The following CMIP variants were observed in gnomAD, a reference collection of about 807,000 sequenced individuals.
CMIP encodes the protein c-Maf inducing protein.
In CMIP, 13 loss-of-function variants were observed where a neutral mutation model predicts 97.3. The ratio of observed to expected loss-of-function variants is 0.13; its 90% CI spans 0.09 to 0.21. The LOEUF is 0.21. CMIP is among the 10% of genes least tolerant of loss of function. CMIP has a pLI of 1.00. For synonymous variants in CMIP, 538 were observed against 436.3 expected (o/e 1.23, Z -2.91); for missense variants, 847 against 1,024.9 (o/e 0.83, Z 2.37).
intron 1 of CMIP, among the ~76,000 whole-genome samples, chr16:81,516,617 T>A (rs370490817): frequency 6.6e-6 from 1 of 152,198 alleles, no homozygotes. Context: ...ATCTCGTCAG[T>A]GCGCGGGCAC....
chr16:81,616,533 G>A lies in CMIP; in HGVS notation c.427-4343G>A, dbSNP rs1178145263. 6.6e-6 allele frequency among the ~76,000 whole-genome samples: 1 copy of A among 152,214 alleles called. No homozygotes were observed. The highest frequency in any genetic ancestry group is 2.4e-5 in the African/African-American group (1 of 41,462). ...GTGGTTGGTAGTGACATGCGTCATC[G>A]CACTTAGTTCGCCAGCCTGTGTCAT... On this transcript the variant is annotated intron_variant, in intron 2 of 20. Coordinates refer to ENST00000537098, the MANE Select transcript of CMIP (RefSeq NM_198390.3). The surrounding 1 kb of genome is among the most constrained non-coding windows in gnomAD (Gnocchi z 4.7).
intron 20 of CMIP, among the ~76,000 whole-genome samples, 175 bp downstream of exon 20, chr16:81,707,259 T>C (rs575060361): frequency 6.6e-6 from 1 of 152,278 alleles, no homozygotes; most frequent in South Asian, 2.1e-4. Flanking sequence ...AGCAGGGAAG[T>C]AATTGGAAAT....
intron 1 of CMIP, among the ~76,000 whole-genome samples, chr16:81,547,374 G>C (rs1188313161): frequency 6.6e-6 from 1 of 152,182 alleles, no homozygotes; most frequent in Non-Finnish European, 1.5e-5. Context: ...TCTGCAGAAA[G>C]ACCCCCGCTC....
chr16:81,692,397 A>G (rs78015301), intron 11 of CMIP, among the ~76,000 whole-genome samples: 4,462 of 152,266 alleles, frequency 0.029, 114 homozygotes, highest in African/African-American at 0.066. Context: ...ATCACTGGAA[A>G]CTAGAGAGAA....
chr16:81,512,523 C>G (rs1184926345), intron 1 of CMIP, among the ~76,000 whole-genome samples: 1 of 152,186 alleles, frequency 6.6e-6, no homozygotes, highest in Non-Finnish European at 1.5e-5. Context: ...ACTTCATCAG[C>G]TACATGGTTG....
At chr16:81,495,946 A>G (rs1267432609) in intron 1 of CMIP, among the ~76,000 whole-genome samples, 1 of 152,174 alleles carries the variant, frequency 6.6e-6, no homozygotes, top group Non-Finnish European at 1.5e-5. Context: ...CAGCTCCCCC[A>G]GCTCCGAGAC....
At chr16:81,696,887 C>T in intron 14 of CMIP, 1 of 584,500 alleles carries the variant, frequency 1.7e-6, no homozygotes, top group Non-Finnish European at 3.0e-6. Context: ...ACTTGGCTTT[C>T]CCAGTTGCAC....
intron 1 of CMIP, among the ~76,000 whole-genome samples, chr16:81,467,287 A>T (rs552757939): frequency 6.6e-6 from 1 of 152,272 alleles, no homozygotes; most frequent in South Asian, 2.1e-4. Flanking sequence ...GGCGCTTGAC[A>T]ACCTTCTGCC....
intron 1 of CMIP, among the ~76,000 whole-genome samples, chr16:81,504,789 C>CTAGGGAGAG (rs1314011515): frequency 2.0e-5 from 3 of 152,064 alleles, no homozygotes; most frequent in African/African-American, 7.2e-5. Context: ...TTACCAGCCT[C>CTAGGGAGAG]TAGGGAGAGA....
rs1234232678 is a variant in CMIP, at chr16:81,701,719, C to T, written c.1815C>T (p.Ile605=). The T allele has an allele frequency of 6.2e-7, 1 of 1,613,952 alleles. No homozygotes were observed. Among genetic ancestry groups the T allele is most frequent in the Admixed American group, 1.7e-5 (1 of 60,028 alleles). ...ACAACAACGACACCCAACTGCAGAT[C>T]ATCTCAACCCTGGAGAGCACAGACG... is the stretch of plus-strand genomic sequence containing the variant. ...IIDNNDTQLQ[I]ISTLESTDVG... Residue 605 remains isoleucine, a synonymous_variant, in exon 16 of 21, where the codon ATC becomes ATT. Coordinates refer to ENST00000537098, the MANE Select transcript of CMIP (RefSeq NM_198390.3).
intron 2 of CMIP, among the ~76,000 whole-genome samples, chr16:81,615,577 A>AGT (rs891372182): frequency 1.0e-5 from 1 of 95,350 alleles, no homozygotes; most frequent in African/African-American, 4.3e-5. Flanking sequence ...GTGTGTGTAT[A>AGT]GTGTGTGTGT....
rs1220564922 is a variant in CMIP at position 81,590,255 on chromosome 16, ACCTCCCATTCCTTCG to A, written c.301-17311_301-17297del. Reference sequence around the variant, plus strand: ...TTTTCCTCCCTCCCATTCCTTCCCTACCTCCCATTCCTTCGTCTCAACCTCTTTTCCTGGTATTCT... The same window carrying A: ...TTTTCCTCCCTCCCATTCCTTCCCTATCTCAACCTCTTTTCCTGGTATTCT... On this transcript the variant is annotated intron_variant, in intron 1 of 20. Transcript: ENST00000537098. 2.5e-5 allele frequency among the ~76,000 whole-genome samples: 3 copies of A among 121,682 alleles called. No homozygotes were observed. The East Asian group carries it at 1.2e-3, about 49-fold the overall frequency. 79.8% of individuals were successfully genotyped at this position (121,682 alleles called of 152,430 possible).
intron 4 of CMIP, among the ~76,000 whole-genome samples, chr16:81,656,084 A>G (rs1220751351): frequency 6.6e-6 from 1 of 152,186 alleles, no homozygotes; most frequent in Non-Finnish European, 1.5e-5. Context: ...AGATCCAAAA[A>G]ACATCCTTTC....
intron 2 of CMIP, among the ~76,000 whole-genome samples, chr16:81,609,810 T>C (rs2091802289): frequency 1.3e-5 from 2 of 151,808 alleles, no homozygotes; most frequent in South Asian, 4.2e-4. Context: ...CTGGAGGAGA[T>C]GGAGAGATGG....
chr16:81,575,018 C>T (rs2091164371), intron 1 of CMIP, among the ~76,000 whole-genome samples: 1 of 152,212 alleles, frequency 6.6e-6, no homozygotes, highest in Non-Finnish European at 1.5e-5. Flanking sequence ...TCATTGCTCC[C>T]ATTTAAGGAC....
At chr16:81,481,257 G>A (rs1173769866) in intron 1 of CMIP, among the ~76,000 whole-genome samples, 5 of 152,178 alleles carry the variant, frequency 3.3e-5, no homozygotes, top group African/African-American at 1.2e-4. Context: ...CAGGTGGTAC[G>A]GATTGTTGTG....
In CMIP at chr16:81,445,152, G is replaced by T. The variant is rs1011214732; in HGVS notation, c.-90G>T. 6 of 735,156 alleles carry T rather than the reference G, an allele frequency of 8.2e-6. No individual in the cohort carries two copies. Among genetic ancestry groups the T allele is most frequent in the South Asian group, 2.8e-5 (1 of 35,792 alleles). 45.5% of individuals were successfully genotyped at this position (735,156 alleles called of 1,614,324 possible). A position where few individuals can be genotyped will look rare whatever the true frequency, so the allele number is the denominator to read the frequency against. On this transcript the variant is annotated 5_prime_UTR_variant, in exon 1 of 21. Transcript: ENST00000537098. Reference sequence around the variant, plus strand: ...CCCCACCTTCCCGGGGGGTGGGGGGGTGCGGGCCGCCGGATCCGGGGGCCC... The same window carrying T: ...CCCCACCTTCCCGGGGGGTGGGGGGTTGCGGGCCGCCGGATCCGGGGGCCC...
chr16:81,607,828 T>TATA, intron 2 of CMIP, 136 bp downstream of exon 2: 1 of 985,550 alleles, frequency 1.0e-6, no homozygotes, highest in African/African-American at 1.6e-5. Context: ...ATTCCCCAAG[T>TATA]ATAAGAAAGC....
At chr16:81,701,570 G>A in intron 15 of CMIP, 90 bp from the exon 16 acceptor site, 3 of 1,583,450 alleles carry the variant, frequency 1.9e-6, no homozygotes, top group East Asian at 4.5e-5. Context: ...GGGGTTGCTG[G>A]TTTTCAAAAC....
Sources: allele counts gnomAD v4.1 joint callset (sites outside exome capture counted in the v4.1 genomes callset), GRCh38; gene constraint gnomAD v4.1.1; non-coding constraint Gnocchi (gnomAD v3.1); transcripts MANE v1.5; gene names NCBI Gene and HGNC (gene_info 2026-07-23, HGNC 2026-07-21).